C6: variants seen among roughly 807,000 people sequenced by gnomAD.
C6 encodes complement C6.
In C6, 101 loss-of-function variants were observed where a neutral mutation model predicts 112.9. The observed-to-expected ratio is 0.89, with a 90% CI of 0.76 to 1.06. The LOEUF (loss-of-function observed/expected upper bound fraction) is 1.06, where lower values mean the gene tolerates loss of function less well. C6 is among the 50% of genes least tolerant of loss of function. C6 has a pLI of 0.00. For missense variants in C6, 1,202 were observed against 1,104.6 expected (o/e 1.09, Z -1.25); for synonymous variants, 431 against 384.1 (o/e 1.12, Z -1.43).
At chr5:41,183,848 G>C (rs1279261808) in intron 6 of C6, among the ~76,000 whole-genome samples, 2 of 152,056 alleles carry the variant, frequency 1.3e-5, no homozygotes, top group Non-Finnish European at 2.9e-5. Flanking sequence ...TACAGCTGGA[G>C]ACCATTATCC....
At chr5:41,225,385 A>G (rs1240123004) in intron 1 of C6, among the ~76,000 whole-genome samples, 1 of 152,140 alleles carries the variant, frequency 6.6e-6, no homozygotes, top group Non-Finnish European at 1.5e-5. Flanking sequence ...TATCCCTACA[A>G]AGGAAATGAA....
chr5:41,151,323 G>A (rs914737576), intron 15 of C6, among the ~76,000 whole-genome samples: 11 of 152,136 alleles, frequency 7.2e-5, no homozygotes, highest in Non-Finnish European at 8.8e-5. Flanking sequence ...GGTAAAACAA[G>A]TGATATTACC....
rs202072448 is a variant in C6 at position 41,176,721 on chromosome 5, T to A, written c.928-6A>T. The A allele has an allele frequency of 6.2e-7, 1 of 1,607,946 alleles. No individual in the cohort carries two copies. Among genetic ancestry groups the A allele is most frequent in the Non-Finnish European group, 8.5e-7 (1 of 1,175,962 alleles). ...ATCCTAATAAAACTAGAATCCTAAATGGAAGAAAGAAGTAAAAAGATGATT... is the reference window on the plus strand; with the variant it reads ...ATCCTAATAAAACTAGAATCCTAAAAGGAAGAAAGAAGTAAAAAGATGATT... On this transcript the variant is annotated splice_region_variant and splice_polypyrimidine_tract_variant and intron_variant, in intron 7 of 17. Transcript: ENST00000337836.
At chr5:41,215,331 C>T (rs980482834), upstream of C6, among the ~76,000 whole-genome samples, 1 of 152,150 alleles carries the variant, frequency 6.6e-6, no homozygotes, top group African/African-American at 2.4e-5. Flanking sequence ...ATACATACAA[C>T]AAAGTGTCCA....
intron 1 of C6, among the ~76,000 whole-genome samples, chr5:41,220,457 T>C (rs1419951843): frequency 6.6e-6 from 1 of 152,202 alleles, no homozygotes; most frequent in Admixed American, 6.5e-5. Flanking sequence ...CCTCAAACCA[T>C]CCTGTTTTGC....
At chr5:41,243,052 A>G (rs1740822574) in intron 1 of C6, among the ~76,000 whole-genome samples, 1 of 152,162 alleles carries the variant, frequency 6.6e-6, no homozygotes, top group Non-Finnish European at 1.5e-5. Context: ...AGATGGGAGA[A>G]CTTTTCTTTT....
chr5:41,167,040 A>T (rs991661950), intron 9 of C6, among the ~76,000 whole-genome samples: 1 of 152,018 alleles, frequency 6.6e-6, no homozygotes, highest in African/African-American at 2.4e-5. Context: ...ATGTTTTAAT[A>T]TTAATTTTTT....
At chr5:41,150,480 A>G (rs990109527) in intron 15 of C6, among the ~76,000 whole-genome samples, 2 of 152,208 alleles carry the variant, frequency 1.3e-5, no homozygotes, top group African/African-American at 2.4e-5. Flanking sequence ...TCTTAGGGCT[A>G]TCAAAGAGAA....
intron 1 of C6, among the ~76,000 whole-genome samples, chr5:41,233,675 T>C (rs993961158): frequency 2.1e-5 from 3 of 145,458 alleles, no homozygotes; most frequent in African/African-American, 4.9e-5. Context: ...ATTTAGTGCA[T>C]GAACAAAAAA....
intron 1 of C6, among the ~76,000 whole-genome samples, chr5:41,211,785 C>T (rs936974085): frequency 6.6e-6 from 1 of 151,624 alleles, no homozygotes; most frequent in South Asian, 2.1e-4. Context: ...AATATTTCCT[C>T]AATTGTAGAG....
intron 17 of C6, 21 bp from the exon 18 acceptor site, chr5:41,143,027 A>G (rs1423988127): frequency 1.2e-6 from 2 of 1,608,638 alleles, no homozygotes; most frequent in East Asian, 4.5e-5. Flanking sequence ...AGAGAGAGAG[A>G]CAGTGTGACT....
intron 1 of C6, among the ~76,000 whole-genome samples, chr5:41,251,873 T>A (rs1741384681): frequency 6.6e-6 from 1 of 151,994 alleles, no homozygotes; most frequent in South Asian, 2.1e-4. Context: ...GTTAGAAACA[T>A]GAAGCAAAAA....
chr5:41,158,669 C>A lies in C6; in HGVS notation c.1968+5G>T. The A allele has an allele frequency of 6.4e-7, 1 of 1,552,062 alleles. No individual in the cohort carries two copies. The highest frequency in any genetic ancestry group is 1.4e-5 in the African/African-American group (1 of 73,796). ...CAAACCAAAAGTGAGGTTTAGGATG[C>A]TGACCCGGATAAATCCATTTTCTGG... On this transcript the variant is annotated splice_donor_5th_base_variant and intron_variant, in intron 13 of 17. Transcript: ENST00000337836.
chr5:41,179,605 T>C (rs1749151643), intron 7 of C6, among the ~76,000 whole-genome samples: 1 of 150,948 alleles, frequency 6.6e-6, no homozygotes, highest in Non-Finnish European at 1.5e-5. Flanking sequence ...ACAAAGATAA[T>C]TTGTTAAGTT....
At chr5:41,175,306 A>G (rs1249317251) in intron 8 of C6, among the ~76,000 whole-genome samples, 1 of 152,184 alleles carries the variant, frequency 6.6e-6, no homozygotes, top group East Asian at 1.9e-4. Flanking sequence ...ATATACACAC[A>G]TATATATGCA....
intron 11 of C6, chr5:41,159,475 C>A (rs1032698440): frequency 3.0e-6 from 3 of 985,140 alleles, no homozygotes; most frequent in African/African-American, 3.5e-5. Flanking sequence ...AAAATGGCAA[C>A]AAATGGCAAT....
chr5:41,200,891 G>GTTTTGTTTTTTTTTTTTTTTTT (rs1554029750), intron 3 of C6, among the ~76,000 whole-genome samples: 1 of 70,670 alleles, frequency 1.4e-5, no homozygotes, highest in Non-Finnish European at 2.4e-5. Flanking sequence ...TGTTGTTGTT[G>GTTTTGTTTTTTTTTTTTTTTTT]TTTTTTTTTT....
chr5:41,176,268 A>G (rs1748834731), intron 8 of C6, among the ~76,000 whole-genome samples: 1 of 152,176 alleles, frequency 6.6e-6, no homozygotes, highest in Admixed American at 6.6e-5. Context: ...GGTTAAGCAT[A>G]CTTATTTTTC....
chr5:41,243,607 A>C (rs778081428), intron 1 of C6, among the ~76,000 whole-genome samples: 6 of 152,160 alleles, frequency 3.9e-5, no homozygotes, highest in Non-Finnish European at 8.8e-5. Context: ...GTTATTACTT[A>C]GTATATCCTT....
Sources: gnomAD v4.1 joint callset for allele counts (sites outside exome capture counted in the v4.1 genomes callset) on GRCh38, gnomAD v4.1.1 for gene constraint, MANE v1.5 for transcripts, NCBI Gene and HGNC (gene_info 2026-07-23, HGNC 2026-07-21) for gene names.